Variants in KATNAL1 observed in about 807,000 individuals in gnomAD.
KATNAL1 encodes the protein katanin p60 ATPase-containing subunit A-like 1.
In KATNAL1, 32 loss-of-function variants were observed where a neutral mutation model predicts 55.2. The observed-to-expected ratio is 0.58, with a 90% CI of 0.44 to 0.78. KATNAL1 has a LOEUF of 0.78. KATNAL1 is among the 30% of genes least tolerant of loss of function. The pLI is 0.00. For synonymous variants in KATNAL1, 193 were observed against 193.6 expected (o/e 1.00, Z 0.02); for missense variants, 466 against 600.9 (o/e 0.78, Z 2.35).
chr13:30,240,130 T>C (rs1318945374), intron 6 of KATNAL1, among the ~76,000 whole-genome samples: 2 of 152,240 alleles, frequency 1.3e-5, no homozygotes, highest in Admixed American at 1.3e-4. Flanking sequence ...CTTTCTTCTA[T>C]AAGACCATAT....
intron 6 of KATNAL1, among the ~76,000 whole-genome samples, chr13:30,238,804 T>G (rs7331654): frequency 6.6e-6 from 1 of 152,194 alleles, no homozygotes; most frequent in Non-Finnish European, 1.5e-5. Flanking sequence ...CAAGGAACCC[T>G]GTTTATAACA....
At position 30,280,077 on chromosome 13, in the gene KATNAL1, A is replaced by T. The variant is rs759109614; in HGVS notation, c.309T>A (p.Val103=). 1 of 1,612,320 alleles carries T rather than the reference A, an allele frequency of 6.2e-7. No homozygotes were observed. Among genetic ancestry groups the T allele is most frequent in the South Asian group, 1.1e-5 (1 of 90,682 alleles). Residue 103 remains valine, a synonymous_variant, in exon 3 of 11, where the codon GTT becomes GTA. Transcript: ENST00000380615. ...FRDPAVWPPP[V]PAEHRAPPQI... is the part of the protein sequence containing the mutation. The stretch of plus-strand genomic sequence containing the variant: ...GTCCTATTTACCTGTGTTCTGCAGG[A>T]ACAGGGGGTGGCCAAACAGCAGGAT...
chr13:30,265,619 G>A, intron 3 of KATNAL1, among the ~76,000 whole-genome samples: 1 of 151,332 alleles, frequency 6.6e-6, no homozygotes, highest in South Asian at 2.1e-4. Context: ...CAAAAAATAA[G>A]TTTTTCCTTA....
chr13:30,274,907 G>GCGCACACACACACA (rs869107567), intron 3 of KATNAL1, among the ~76,000 whole-genome samples: 13 of 105,432 alleles, frequency 1.2e-4, no homozygotes, highest in East Asian at 2.7e-4. Flanking sequence ...GCGCGCGCGC[G>GCGCACACACACACA]CACACACACA....
At chr13:30,259,874 A>G (rs1230241669) in intron 3 of KATNAL1, among the ~76,000 whole-genome samples, 4 of 152,236 alleles carry the variant, frequency 2.6e-5, no homozygotes, top group East Asian at 1.9e-4. Context: ...GCCCACCACA[A>G]CTCAAGGAGG....
intron 9 of KATNAL1, among the ~76,000 whole-genome samples, chr13:30,217,671 G>A (rs1288540494): frequency 6.6e-6 from 1 of 152,086 alleles, no homozygotes. Flanking sequence ...ACTACATTCT[G>A]GGCCTGCCTA....
chr13:30,261,371 T>C (rs984796932), intron 3 of KATNAL1, among the ~76,000 whole-genome samples: 8 of 151,806 alleles, frequency 5.3e-5, no homozygotes, highest in Admixed American at 5.3e-4. Flanking sequence ...CATAACAATA[T>C]TAACTTTCAA....
rs141442128 is a variant in KATNAL1 at position 30,282,145 on chromosome 13, CG to C, written c.162+1470del. On this transcript the variant is annotated intron_variant, in intron 2 of 10. Coordinates refer to ENST00000380615, the MANE Select transcript of KATNAL1 (RefSeq NM_032116.5). The stretch of plus-strand genomic sequence containing the variant: ...CAATTAAAACATTAAATTTAAAAAA[CG>C]GTAAGTAGGCAAATTAAAATTCAAG... 8.8e-3 allele frequency among the ~76,000 whole-genome samples: 1,334 copies of C among 151,144 alleles called. 7 individuals are homozygous for C. The highest frequency in any genetic ancestry group is 0.028 in the South Asian group (133 of 4,772).
At chr13:30,292,641 T>C (rs528468799) in intron 1 of KATNAL1, among the ~76,000 whole-genome samples, 1 of 152,178 alleles carries the variant, frequency 6.6e-6, no homozygotes, top group Non-Finnish European at 1.5e-5. Context: ...CCTCCCTTCA[T>C]CCTGGGGAGC....
intron 3 of KATNAL1, among the ~76,000 whole-genome samples, chr13:30,274,907 G>GCGCGCGCGCGCGCGCGCGCGCACA (rs869107567): frequency 4.7e-5 from 5 of 105,382 alleles, no homozygotes; most frequent in Non-Finnish European, 9.7e-5. Context: ...GCGCGCGCGC[G>GCGCGCGCGCGCGCGCGCGCGCACA]CACACACACA....
intron 2 of KATNAL1, among the ~76,000 whole-genome samples, chr13:30,282,295 A>G (rs1881416875): frequency 1.3e-5 from 2 of 152,184 alleles, no homozygotes. Context: ...GTTTTGCAAA[A>G]TGGGTCAAAA....
At chr13:30,258,453 T>C (rs1048985230) in intron 3 of KATNAL1, among the ~76,000 whole-genome samples, 2 of 152,212 alleles carry the variant, frequency 1.3e-5, no homozygotes, top group Non-Finnish European at 2.9e-5. Context: ...TTTTGCATTT[T>C]ATTTTCAACT....
At chr13:30,234,150 A>C (rs1384087443) in intron 6 of KATNAL1, among the ~76,000 whole-genome samples, 3 of 152,216 alleles carry the variant, frequency 2.0e-5, no homozygotes, top group Non-Finnish European at 4.4e-5. Context: ...GAATGTATTA[A>C]ATTATCACGA....
intron 1 of KATNAL1, among the ~76,000 whole-genome samples, chr13:30,290,305 T>A (rs963594405): frequency 6.6e-6 from 1 of 151,310 alleles, no homozygotes; most frequent in South Asian, 2.1e-4. Context: ...AAACCTCTAG[T>A]AGGATTGACC....
chr13:30,237,563 T>C (rs1335378606), intron 6 of KATNAL1, among the ~76,000 whole-genome samples: 1 of 152,208 alleles, frequency 6.6e-6, no homozygotes, highest in Non-Finnish European at 1.5e-5. Context: ...TTAAAACTTG[T>C]AAAGAAGGAC....
At chr13:30,283,890 T>C in intron 1 of KATNAL1, 99 bp from the exon 2 acceptor site, 1 of 867,576 alleles carries the variant, frequency 1.2e-6, no homozygotes, top group Non-Finnish European at 1.7e-6. Context: ...TTTTTTTTTT[T>C]TTTGAAACAG....
intron 9 of KATNAL1, among the ~76,000 whole-genome samples, chr13:30,211,147 C>A (rs983497766): frequency 6.6e-6 from 1 of 152,110 alleles, no homozygotes; most frequent in African/African-American, 2.4e-5. Flanking sequence ...GTTTATCTGG[C>A]GCTCTACTAT....
intron 9 of KATNAL1, among the ~76,000 whole-genome samples, chr13:30,220,726 TCTCA>T (rs1874766920): frequency 6.6e-6 from 1 of 151,826 alleles, no homozygotes. Context: ...TGAGATGGAG[TCTCA>T]CTCTGTCACC....
intron 3 of KATNAL1, among the ~76,000 whole-genome samples, chr13:30,257,618 C>A (rs145606198): frequency 5.3e-5 from 8 of 152,316 alleles, no homozygotes; most frequent in Non-Finnish European, 1.2e-4. Flanking sequence ...CCTAGGAGTC[C>A]TGCTGTAGTC....
Sources: gnomAD v4.1 joint callset for allele counts (sites outside exome capture counted in the v4.1 genomes callset) on GRCh38, gnomAD v4.1.1 for gene constraint, MANE v1.5 for transcripts, NCBI Gene and HGNC (gene_info 2026-07-23, HGNC 2026-07-21) for gene names.